LTBP4: variants seen among roughly 807,000 people sequenced by gnomAD.
LTBP4 encodes the protein latent transforming growth factor beta binding protein 4.
Under a neutral mutation model 180.2 loss-of-function variants are expected in LTBP4, and 93 were observed. The observed-to-expected ratio is 0.52, with a 90% CI of 0.44 to 0.61. The LOEUF (loss-of-function observed/expected upper bound fraction) is 0.61, where lower values mean the gene tolerates loss of function less well. Among genes scored for constraint, LTBP4 ranks in the 20% least tolerant of loss-of-function variants. The probability of loss-of-function intolerance (pLI) is 0.00; values close to 1 mark genes in which losing one functional copy is unlikely to be tolerated. For missense variants in LTBP4, 2,116 were observed against 2,256.5 expected (o/e 0.94, Z 1.26); for synonymous variants, 947 against 934.5 (o/e 1.01, Z -0.24).
chr19:40,594,995 G>A (rs2081382951), intron 1 of LTBP4, among the ~76,000 whole-genome samples: 1 of 152,086 alleles, frequency 6.6e-6, no homozygotes, highest in Non-Finnish European at 1.5e-5. Context: ...TGGTCACGGC[G>A]TGTGGCCTAG....
chr19:40,626,879 C>G, intron 27 of LTBP4, 96 bp from the exon 28 acceptor site: 1 of 1,407,422 alleles, frequency 7.1e-7, no homozygotes. Context: ...GGACCCTCCC[C>G]ATCCAGTCCT....
At chr19:40,604,314 G>A (rs2081443447) in intron 1 of LTBP4, among the ~76,000 whole-genome samples, 1 of 152,076 alleles carries the variant, frequency 6.6e-6, no homozygotes, top group Non-Finnish European at 1.5e-5. Flanking sequence ...GGACCAAGCA[G>A]AGGGAGTGTG....
At chr19:40,602,453 G>C (rs2081431174) in intron 1 of LTBP4, among the ~76,000 whole-genome samples, 2 of 152,100 alleles carry the variant, frequency 1.3e-5, no homozygotes, top group South Asian at 4.1e-4. Flanking sequence ...AGACCCTATG[G>C]AGTGGGGAGT....
In LTBP4 at chr19:40,601,631, C is replaced by A; in HGVS notation, c.244C>A (p.Arg82Ser). Reference protein sequence around the residue: ...GGAAPGGPGFRAFLCPLICHN... With the variant: ...GGAAPGGPGFSAFLCPLICHN... ...GGCGGCCCCGGGGGGACCCGGCTTCCGCGCCTGTGAGTGCGGGGTGGTGGT... is the reference window on the plus strand; with the variant it reads ...GGCGGCCCCGGGGGGACCCGGCTTCAGCGCCTGTGAGTGCGGGGTGGTGGT... The change falls in exon 1 of 30, where the codon CGC becomes AGC. Residue 82 changes from arginine to serine, a missense_variant. This residue lies in a region of LTBP4 where 469 missense variants were observed against 532.5 expected (regional missense o/e 0.88). Transcript: ENST00000396819. 1 of 1,368,060 alleles carries A rather than the reference C, an allele frequency of 7.3e-7. No homozygotes were observed. Among genetic ancestry groups the A allele is most frequent in the South Asian group, 1.7e-5 (1 of 58,482 alleles). 84.7% of individuals were successfully genotyped at this position (1,368,060 alleles called of 1,614,324 possible).
In LTBP4 at chr19:40,610,636, C is replaced by T. The variant is rs973110717; in HGVS notation, c.1789C>T (p.Pro597Ser). ...GTGCCCCGCCGGGTACCAGGCTGCA[C>T]CGCACGGAGCCAGCTGCCAGGGTGA... is the stretch of plus-strand genomic sequence containing the variant. ...CVCPAGYQAA[P>S]HGASCQDVDE... Residue 597 changes from proline (P) to serine (S), a missense_variant, in exon 12 of 30, where the codon CCG becomes TCG. By Grantham distance (74) the Pro-to-Ser change is moderately conservative (BLOSUM62 -1). Around this residue, in one of 5 missense-constraint regions of LTBP4, gnomAD observed 877 missense variants for 873.6 expected, o/e 1.00. Coordinates refer to ENST00000396819, the MANE Select transcript of LTBP4 (RefSeq NM_001042545.2). The T allele has an allele frequency of 3.8e-6, 6 of 1,583,264 alleles. No individual in the cohort carries two copies. The highest frequency in any genetic ancestry group is 1.1e-5 in the South Asian group (1 of 89,116).
chr19:40,602,145 T>TTGTGTG (rs751242257), intron 1 of LTBP4, among the ~76,000 whole-genome samples: 1,413 of 81,812 alleles, frequency 0.017, 60 homozygotes, highest in African/African-American at 0.074. Flanking sequence ...GAGACGGGGG[T>TTGTGTG]TGTGTGTGTG....
chr19:40,606,678 T>C (rs936167155), intron 6 of LTBP4, among the ~76,000 whole-genome samples, 152 bp downstream of exon 6: 1 of 151,932 alleles, frequency 6.6e-6, no homozygotes. Context: ...CTCAGATTCT[T>C]ATACAGCTTC....
At chr19:40,628,180 C>T (rs2081651475) in intron 29 of LTBP4, among the ~76,000 whole-genome samples, 1 of 152,194 alleles carries the variant, frequency 6.6e-6, no homozygotes, top group Admixed American at 6.5e-5. Context: ...CTCAGTCTTC[C>T]CACCTGTAAA....
upstream of LTBP4, chr19:40,599,610 GC>G: frequency 1.0e-5 from 16 of 1,557,008 alleles, no homozygotes; most frequent in Non-Finnish European, 1.3e-5. Context: ...TCCTAGCTTT[GC>G]CCCCGTTTCC....
Position 40,627,196 on chromosome 19 carries a change from C to T in LTBP4, c.4207C>T (p.Arg1403Cys), listed in dbSNP as rs2146052688. ...ARREAPYGAP[R>C]FDMPDFEDDG... ...CCGGGAGGCTCCTTATGGGGCACCC[C>T]GCTTCGACATGCCAGACTTTGAGGA... The change falls in exon 28 of 30, where the codon CGC becomes TGC. Residue 1403 changes from arginine to cysteine, a missense_variant. By Grantham distance (180) the Arg-to-Cys change is radical (BLOSUM62 -3). Coordinates refer to ENST00000396819, the MANE Select transcript of LTBP4 (RefSeq NM_001042545.2). 1 of 1,611,816 alleles carries T rather than the reference C, an allele frequency of 6.2e-7. No homozygotes were observed. Among genetic ancestry groups the T allele is most frequent in the Non-Finnish European group, 8.5e-7 (1 of 1,179,182 alleles).
Position 40,611,926 on chromosome 19 carries a change from C to T in LTBP4, c.2121C>T (p.Ser707=), listed in dbSNP as rs768844869. The T allele has an allele frequency of 6.2e-7, 1 of 1,610,320 alleles. No individual in the cohort carries two copies. The highest frequency in any genetic ancestry group is 1.1e-5 in the South Asian group (1 of 90,172). Residue 707 remains serine (S), a synonymous_variant, in exon 14 of 30, where the codon AGC becomes AGT. Transcript: ENST00000396819. This position sits in a 1 kb window ranked among gnomAD's most constrained non-coding sequence, Gnocchi z 4.4. ...GCCGGTGTGAGAACACAGAAGGCAG[C>T]TTCCAGTGTGTCTGCCCCATGGGCT... ...TYGRCENTEG[S]FQCVCPMGFQ...
Position 40,616,898 on chromosome 19 carries a change from A to G in LTBP4, c.2822A>G (p.Glu941Gly). ...GPEGTCDDVD[E>G]CQEYGPEICG... The stretch of plus-strand genomic sequence containing the variant: ...CCTCCACACTCTGCAGATGTGGATG[A>G]GTGCCAAGAATATGGTCCCGAGATT... Residue 941 changes from glutamate (E) to glycine (G), a missense_variant, in exon 20 of 30, where the codon GAG becomes GGG. By Grantham distance (98) the Glu-to-Gly change is moderately conservative (BLOSUM62 -2). Transcript: ENST00000396819. The G allele has an allele frequency of 6.2e-7, 1 of 1,613,976 alleles. No homozygotes were observed. Among genetic ancestry groups the G allele is most frequent in the Non-Finnish European group, 8.5e-7 (1 of 1,179,900 alleles).
At position 40,616,952 on chromosome 19, in the gene LTBP4, C is replaced by T; in HGVS notation, c.2876C>T (p.Pro959Leu). The change falls in exon 20 of 30, where the codon CCT becomes CTT. Residue 959 changes from proline (P) to leucine (L), a missense_variant. Transcript: ENST00000396819. ...GGAGCCCAGCGTTGTGAGAACACCC[C>T]TGGCTCCTACCGCTGCACACCAGCC... ...ICGAQRCENT[P>L]GSYRCTPACD... The T allele has an allele frequency of 6.2e-7, 1 of 1,614,020 alleles. No homozygotes were observed. The highest frequency in any genetic ancestry group is 8.5e-7 in the Non-Finnish European group (1 of 1,179,894).
chr19:40,610,310 A>T (rs2081496299), intron 11 of LTBP4: 1 of 568,260 alleles, frequency 1.8e-6, no homozygotes, highest in Non-Finnish European at 3.1e-6. Context: ...ACCTTCCCTT[A>T]GCTTGGTCCC....
At position 40,605,057 on chromosome 19, in the gene LTBP4, C is replaced by T. The variant is rs554794571; in HGVS notation, c.273C>T (p.His91=). 16 of 1,613,624 alleles carry T rather than the reference C, an allele frequency of 9.9e-6. No individual in the cohort carries two copies. The highest frequency in any genetic ancestry group is 1.7e-5 in the Admixed American group (1 of 60,006). Residue 91 remains histidine, a synonymous_variant, in exon 2 of 30, where the codon CAC becomes CAT. Transcript: ENST00000396819. This position sits in a 1 kb window ranked among gnomAD's most constrained non-coding sequence, Gnocchi z 5.5. ...FRAFLCPLIC[H]NGGVCVKPDR... ...CAGTCCTGTGTCCCTTGATCTGTCA[C>T]AATGGCGGTGTGTGCGTGAAGCCTG...
At chr19:40,626,274 T>G (rs565022446) in intron 27 of LTBP4, among the ~76,000 whole-genome samples, 1 of 152,240 alleles carries the variant, frequency 6.6e-6, no homozygotes, top group African/African-American at 2.4e-5. Context: ...GTCTCTCATA[T>G]GCTCAGCTCC....
intron 28 of LTBP4, 56 bp from the exon 29 acceptor site, chr19:40,627,649 T>C: frequency 1.3e-6 from 2 of 1,547,020 alleles, no homozygotes; most frequent in Non-Finnish European, 1.7e-6. Flanking sequence ...CCCACCGTTG[T>C]GGGTAAGGGG....
intron 1 of LTBP4, among the ~76,000 whole-genome samples, chr19:40,595,300 T>C (rs2081384277): frequency 6.6e-6 from 1 of 151,982 alleles, no homozygotes; most frequent in South Asian, 2.1e-4. Context: ...GGTGGAGCCT[T>C]GAATTTATAA....
At chr19:40,625,294 A>AAATATATATATATT (rs2081622704) in intron 26 of LTBP4, among the ~76,000 whole-genome samples, 1 of 8,356 alleles carries the variant, frequency 1.2e-4, no homozygotes, top group African/African-American at 2.2e-3. Flanking sequence ...ATATATATAT[A>AAATATATATATATT]TATATATATA....
Sources: gnomAD v4.1 joint callset for allele counts (sites outside exome capture counted in the v4.1 genomes callset) on GRCh38, gnomAD v4.1.1 for gene constraint, gnomAD v4.1.1 regional missense constraint, Gnocchi (gnomAD v3.1) non-coding constraint, MANE v1.5 for transcripts, NCBI Gene and HGNC (gene_info 2026-07-23, HGNC 2026-07-21) for gene names.